The following ZFPM1 variants were observed in gnomAD, a reference collection of about 807,000 sequenced individuals.
ZFPM1 encodes zinc finger protein ZFPM1.
ZFPM1 carries 28 observed loss-of-function variants against 46.3 expected under a neutral mutation model. The ratio of observed to expected loss-of-function variants is 0.60; its 90% CI spans 0.45 to 0.83. The LOEUF (loss-of-function observed/expected upper bound fraction) is 0.83, where lower values mean the gene tolerates loss of function less well. Among genes scored for constraint, ZFPM1 ranks in the 40% least tolerant of loss-of-function variants. ZFPM1 has a pLI of 0.00. For missense variants in ZFPM1, 1,878 were observed against 1,432.4 expected (o/e 1.31, Z -5.02); for synonymous variants, 957 against 675.9 (o/e 1.42, Z -6.45).
chr16:88,466,849 C>T (rs1908157022), intron 1 of ZFPM1, among the ~76,000 whole-genome samples: 1 of 152,158 alleles, frequency 6.6e-6, no homozygotes, highest in Non-Finnish European at 1.5e-5. Context: ...AGTTTCCTCA[C>T]TTGTATCATG....
chr16:88,474,939 C>T (rs1469315276), intron 1 of ZFPM1, among the ~76,000 whole-genome samples: 1 of 152,240 alleles, frequency 6.6e-6, no homozygotes, highest in Non-Finnish European at 1.5e-5. Context: ...TGGGCAGCCC[C>T]TATGCCCAGA....
Position 88,457,637 on chromosome 16 carries a change from CT to C in ZFPM1, c.40+3969del, listed in dbSNP as rs1039873898. 3.8e-3 allele frequency among the ~76,000 whole-genome samples: 565 copies of C among 150,332 alleles called. 3 individuals carry two copies. Among genetic ancestry groups the C allele is most frequent in the African/African-American group, 0.013 (529 of 41,044 alleles). ...GCCACGTTTTTCTCTCTTTCTCTCT[CT>C]TTTTTTTTTCCTTAGTTAAAATTTT... On this transcript the variant is annotated intron_variant, in intron 1 of 9. Coordinates refer to ENST00000319555, the MANE Select transcript of ZFPM1 (RefSeq NM_153813.3).
At chr16:88,487,319 A>T (rs987737492) in intron 2 of ZFPM1, among the ~76,000 whole-genome samples, 1 of 152,088 alleles carries the variant, frequency 6.6e-6, no homozygotes, top group South Asian at 2.1e-4. Context: ...CCAATCTCAT[A>T]CCTACCCCAT....
intron 6 of ZFPM1, chr16:88,530,808 G>A (rs1312880060): frequency 6.6e-6 from 1 of 152,336 alleles, no homozygotes; most frequent in East Asian, 1.9e-4. Flanking sequence ...GCTGAGAGAG[G>A]ACAGAGCTGC....
In ZFPM1 at chr16:88,485,809, G is replaced by GTC. The variant is rs1315729297; in HGVS notation, c.41-130_41-129insTC. ...CCTGTCCTTTGACCTCAGGGTGAGG[G>GTC]ATGACCCTCACCCCCACCCATTGCC... On this transcript the variant is annotated intron_variant, in intron 1 of 9. Transcript: ENST00000319555. 5.3e-6 allele frequency: 4 copies of GTC among 751,196 alleles called. No homozygotes were observed. In the Admixed American group the frequency reaches 7.5e-5, roughly 14 times the overall value. The allele number at this position is 751,196 out of a possible 1,614,324, so 46.5% of individuals were successfully genotyped here.
chr16:88,464,917 C>G (rs1908064998), intron 1 of ZFPM1, among the ~76,000 whole-genome samples: 1 of 152,332 alleles, frequency 6.6e-6, no homozygotes, highest in East Asian at 1.9e-4. Flanking sequence ...CTGCCTATCT[C>G]GTCCATTTCC....
At chr16:88,462,803 C>T (rs1330855375) in intron 1 of ZFPM1, among the ~76,000 whole-genome samples, 2 of 151,790 alleles carry the variant, frequency 1.3e-5, no homozygotes, top group Admixed American at 6.6e-5. Flanking sequence ...GGTCTTCGTG[C>T]AAGTCACTCA....
In ZFPM1 at chr16:88,480,279, T is replaced by G. The variant is rs1440862300; in HGVS notation, c.41-5660T>G. ...GCTCACACTGGCATCTTCCACTTTT[T>G]GGGGGATGGGGCTGGTCACTGCAGG... On this transcript the variant is annotated intron_variant, in intron 1 of 9. Transcript: ENST00000319555. The surrounding 1 kb of genome is among the most constrained non-coding windows in gnomAD (Gnocchi z 4.9). Among the ~76,000 whole-genome samples the G allele has an allele frequency of 6.6e-6, 1 of 152,056 alleles. No homozygotes were observed. Among genetic ancestry groups the G allele is most frequent in the Admixed American group, 6.5e-5 (1 of 15,270 alleles).
chr16:88,482,570 G>A (rs1169571411), intron 1 of ZFPM1, among the ~76,000 whole-genome samples: 5 of 152,150 alleles, frequency 3.3e-5, no homozygotes, highest in African/African-American at 9.7e-5. Context: ...GGCCCACCTG[G>A]GTGGGGTATG....
At chr16:88,494,644 C>T (rs887814032) in intron 3 of ZFPM1, among the ~76,000 whole-genome samples, 11 of 152,248 alleles carry the variant, frequency 7.2e-5, no homozygotes, top group African/African-American at 2.4e-4. Context: ...CAGTAGAGGG[C>T]GCAGCCCTGC....
intron 3 of ZFPM1, chr16:88,513,215 C>T (rs941094460): frequency 6.6e-6 from 1 of 152,204 alleles, no homozygotes; most frequent in Non-Finnish European, 1.5e-5. Context: ...TCCTGCTGCC[C>T]CCAGTCCGCT....
intron 2 of ZFPM1, among the ~76,000 whole-genome samples, chr16:88,487,835 T>C (rs13336560): frequency 0.39 from 59,314 of 152,040 alleles, 12,891 homozygotes; most frequent in Non-Finnish European, 0.48. Context: ...CCATCTCCCC[T>C]AGCTCACCCA....
At chr16:88,490,770 G>C (rs1459744086) in intron 3 of ZFPM1, among the ~76,000 whole-genome samples, 2 of 152,208 alleles carry the variant, frequency 1.3e-5, no homozygotes, top group African/African-American at 4.8e-5. Context: ...CTGTGGGGCT[G>C]CCCAAGGCAA....
At chr16:88,496,264 G>A (rs1026170512) in intron 3 of ZFPM1, among the ~76,000 whole-genome samples, 4 of 152,150 alleles carry the variant, frequency 2.6e-5, no homozygotes, top group Admixed American at 6.5e-5. Context: ...ATGTGACAGC[G>A]GCGGGGCTGG....
chr16:88,521,548 C>G lies in ZFPM1; in HGVS notation c.403-5266C>G, dbSNP rs142044699. Among the ~76,000 whole-genome samples, 234 of 147,612 alleles carry G rather than the reference C, an allele frequency of 1.6e-3. 1 individual carries two copies. Among genetic ancestry groups the G allele is most frequent in the African/African-American group, 5.5e-3 (218 of 39,774 alleles). On this transcript the variant is annotated intron_variant, in intron 4 of 9. Transcript: ENST00000319555. ...GTTCCCCCAACCCGTGCTGTTCCCT[C>G]CCTCATGCTGTTCCCTCTCCCCTGT...
chr16:88,452,985 T>C (rs1409142809), upstream of ZFPM1, among the ~76,000 whole-genome samples: 2 of 145,894 alleles, frequency 1.4e-5, no homozygotes, highest in Non-Finnish European at 3.0e-5. Context: ...GGGCGGGGCA[T>C]CGAGCGGGGC....
intron 3 of ZFPM1, among the ~76,000 whole-genome samples, chr16:88,493,274 G>A (rs551356567): frequency 2.1e-5 from 3 of 145,862 alleles, no homozygotes; most frequent in East Asian, 2.1e-4. Context: ...GAGCTGTCCC[G>A]GAGTGAGGAG....
At chr16:88,461,008 C>A (rs867346366) in intron 1 of ZFPM1, among the ~76,000 whole-genome samples, 5 of 37,712 alleles carry the variant, frequency 1.3e-4, no homozygotes, top group African/African-American at 4.8e-4. Flanking sequence ...TGGTGAGGAC[C>A]GAGGGGTGGG....
Position 88,533,597 on chromosome 16 carries a change from T to C in ZFPM1, c.1639T>C (p.Ser547Pro). ...PPASEILAKM[S>P]ELVHSRLQQG... Reference sequence around the variant, plus strand: ...CGCCTCGGAGATCCTGGCCAAGATGTCCGAGCTGGTGCACAGCCGGCTGCA... The same window carrying C: ...CGCCTCGGAGATCCTGGCCAAGATGCCCGAGCTGGTGCACAGCCGGCTGCA... Residue 547 changes from serine (S) to proline (P), a missense_variant, in exon 10 of 10, where the codon TCC becomes CCC. Ser to Pro is a moderately conservative substitution (Grantham distance 74). Coordinates refer to ENST00000319555, the MANE Select transcript of ZFPM1 (RefSeq NM_153813.3). 1 of 1,493,926 alleles carries C rather than the reference T, an allele frequency of 6.7e-7. No homozygotes were observed. The highest frequency in any genetic ancestry group is 8.9e-7 in the Non-Finnish European group (1 of 1,121,174). The allele number at this position is 1,493,926 out of a possible 1,614,324, so 92.5% of individuals were successfully genotyped here. A position where few individuals can be genotyped will look rare whatever the true frequency, so the allele number is the denominator to read the frequency against.
Sources: gnomAD v4.1 joint callset for allele counts (sites outside exome capture counted in the v4.1 genomes callset) on GRCh38, gnomAD v4.1.1 for gene constraint, Gnocchi (gnomAD v3.1) non-coding constraint, MANE v1.5 for transcripts, NCBI Gene and HGNC (gene_info 2026-07-23, HGNC 2026-07-21) for gene names.